ZNF408: variants seen among roughly 807,000 people sequenced by gnomAD.
ZNF408 encodes the protein PR domain zinc finger protein 17.
A neutral mutation model predicts 27.6 loss-of-function variants in ZNF408; 24 were observed. That is an observed-to-expected ratio of 0.87 (90% CI 0.63 to 1.22). The LOEUF (loss-of-function observed/expected upper bound fraction) is 1.22. Ranked by LOEUF, ZNF408 falls within the 50% of genes most tolerant of loss-of-function variation. The probability of loss-of-function intolerance (pLI) is 0.00; values close to 1 mark genes in which losing one functional copy is unlikely to be tolerated. For synonymous variants in ZNF408, 410 were observed against 396.1 expected (o/e 1.04, Z -0.42); for missense variants, 897 against 949.0 (o/e 0.95, Z 0.72).
At position 46,701,394 on chromosome 11, in the gene ZNF408, T is replaced by C; in HGVS notation, c.53-5T>C. 1 of 1,612,684 alleles carries C rather than the reference T, an allele frequency of 6.2e-7. No homozygotes were observed. The highest frequency in any genetic ancestry group is 8.5e-7 in the Non-Finnish European group (1 of 1,179,086). On this transcript the variant is annotated splice_polypyrimidine_tract_variant and splice_region_variant and intron_variant, in intron 1 of 4. Transcript: ENST00000311764. ...CTCCCTCACTGTCTTCCCTTCTCTC[T>C]GCAGCCCGCGAGCCGCGCCTGGGCC...
Position 46,701,587 on chromosome 11 carries a change from C to T in ZNF408, c.241C>T (p.Pro81Ser). Residue 81 changes from proline to serine, a missense_variant, in exon 2 of 5, where the codon CCC becomes TCC. Transcript: ENST00000311764. ...CTTGGGGGTCTGGTGTGTCGGGGACCCCCTGCAGCCCGGCCTGCTGTGGGG... is the reference window on the plus strand; with the variant it reads ...CTTGGGGGTCTGGTGTGTCGGGGACTCCCTGCAGCCCGGCCTGCTGTGGGG... The part of the protein sequence containing the change: ...QRLGVWCVGD[P>S]LQPGLLWGPL... 4 of 1,612,092 alleles carry T rather than the reference C, an allele frequency of 2.5e-6. No individual in the cohort carries two copies. Among genetic ancestry groups the T allele is most frequent in the Non-Finnish European group, 3.4e-6 (4 of 1,179,118 alleles).
At position 46,705,035 on chromosome 11, in the gene ZNF408, C is replaced by G. The variant is rs762021380; in HGVS notation, c.1335C>G (p.Ala445=). 22 of 1,613,212 alleles carry G rather than the reference C, an allele frequency of 1.4e-5. No individual in the cohort carries two copies. Among genetic ancestry groups the G allele is most frequent in the Non-Finnish European group, 1.9e-5 (22 of 1,180,022 alleles). ...TTGCTTGTGACCAGTGTGGCAAGGCCTTTGCCCGCCGGCCCTCCCTGCGGC... is the reference window on the plus strand; with the variant it reads ...TTGCTTGTGACCAGTGTGGCAAGGCGTTTGCCCGCCGGCCCTCCCTGCGGC... ...RPFACDQCGK[A]FARRPSLRLH... Residue 445 remains alanine, a synonymous_variant, in exon 5 of 5, where the codon GCC becomes GCG. Coordinates refer to ENST00000311764, the MANE Select transcript of ZNF408 (RefSeq NM_024741.3). This position sits in a 1 kb window ranked among gnomAD's most constrained non-coding sequence, Gnocchi z 6.5.
Position 46,701,516 on chromosome 11 carries a change from TTC to T in ZNF408, c.171_172del (p.Arg59GlyfsTer65). Reference sequence around the variant, plus strand: ...CGAGACATCCTCGCTTTAAAGAGCCTTCCCCGGGGCTTGGCCCTTGGCCCCTC... The same window carrying T: ...CGAGACATCCTCGCTTTAAAGAGCCTCCCGGGGCTTGGCCCTTGGCCCCTC... On this transcript the variant is annotated frameshift_variant, in exon 2 of 5. Transcript: ENST00000311764. LOFTEE classifies it high-confidence loss of function. 1 of 1,613,946 alleles carries T rather than the reference TTC, an allele frequency of 6.2e-7. No homozygotes were observed. The highest frequency in any genetic ancestry group is 8.5e-7 in the Non-Finnish European group (1 of 1,180,022).
At position 46,704,848 on chromosome 11, in the gene ZNF408, G is replaced by A. The variant is rs2134510056; in HGVS notation, c.1148G>A (p.Cys383Tyr). 1 of 1,602,056 alleles carries A rather than the reference G, an allele frequency of 6.2e-7. No individual in the cohort carries two copies. The highest frequency in any genetic ancestry group is 8.5e-7 in the Non-Finnish European group (1 of 1,173,890). Residue 383 changes from cysteine (C) to tyrosine (Y), a missense_variant, in exon 5 of 5, where the codon TGC becomes TAC. Transcript: ENST00000311764. ...FVHTGHKPFL[C>Y]TECGKSYSSE... ...CACACGGGCCACAAGCCCTTTCTTT[G>A]CACTGAGTGTGGCAAGAGCTATAGC...
chr11:46,703,410 G>A (rs2064725193), intron 4 of ZNF408, among the ~76,000 whole-genome samples, 167 bp downstream of exon 4: 1 of 152,158 alleles, frequency 6.6e-6, no homozygotes, highest in African/African-American at 2.4e-5. Flanking sequence ...GGGATAGGAG[G>A]GTGGGGCTTG....
chr11:46,701,441 C>T lies in ZNF408; in HGVS notation c.95C>T (p.Ser32Phe). The T allele has an allele frequency of 1.2e-6, 2 of 1,614,024 alleles. No individual in the cohort carries two copies. Among genetic ancestry groups the T allele is most frequent in the Non-Finnish European group, 1.7e-6 (2 of 1,180,014 alleles). The change falls in exon 2 of 5, where the codon TCC becomes TTC. Residue 32 changes from serine to phenylalanine, a missense_variant. Ser to Phe is a radical substitution (Grantham distance 155). Transcript: ENST00000311764. ...RLGLDLGWNP[S>F]GEGCTQGLKD... ...GGCCTGGACTTAGGATGGAACCCTT[C>T]CGGAGAAGGCTGTACGCAGGGCCTC...
At position 46,703,758 on chromosome 11, in the gene ZNF408, G is replaced by GTTTTTTTTTTTTTTTTTTTTTT. The variant is rs371644247; in HGVS notation, c.652+517_652+518insTTTTTTTTTTTTTTTTTTTTTT. Among the ~76,000 whole-genome samples, 4 of 94,174 alleles carry GTTTTTTTTTTTTTTTTTTTTTT rather than the reference G, an allele frequency of 4.2e-5. 2 individuals are homozygous for GTTTTTTTTTTTTTTTTTTTTTT. The highest frequency in any genetic ancestry group is 1.9e-4 in the African/African-American group (4 of 21,332). The allele number at this position is 94,174 out of a possible 152,430, so 61.8% of individuals were successfully genotyped here. A position where few individuals can be genotyped will look rare whatever the true frequency, so the allele number is the denominator to read the frequency against. On this transcript the variant is annotated intron_variant, in intron 4 of 4. Transcript: ENST00000311764. ...TTTGTTTTGTTTTGTTGTTGTTGTT[G>GTTTTTTTTTTTTTTTTTTTTTT]TTGTTGTTGTTGTTTTTTTTTTTTT...
In ZNF408 at chr11:46,701,607, G is replaced by C; in HGVS notation, c.261G>C (p.Leu87=). The change falls in exon 2 of 5, where the codon CTG becomes CTC. Residue 87 remains leucine, a synonymous_variant. Coordinates refer to ENST00000311764, the MANE Select transcript of ZNF408 (RefSeq NM_024741.3). The stretch of plus-strand genomic sequence containing the variant: ...GGGACCCCCTGCAGCCCGGCCTGCT[G>C]TGGGGGCCGCTGGAAGAGGAGTCTG... The part of the protein sequence containing the change: ...CVGDPLQPGL[L]WGPLEEESAS... 6.2e-7 allele frequency: 1 copy of C among 1,609,666 alleles called. No homozygotes were observed. Among genetic ancestry groups the C allele is most frequent in the Non-Finnish European group, 8.5e-7 (1 of 1,177,236 alleles).
intron 1 of ZNF408, 143 bp from the exon 2 acceptor site, chr11:46,701,256 C>T: frequency 6.4e-7 from 1 of 1,562,072 alleles, no homozygotes. Flanking sequence ...TGAGCCTCCT[C>T]AAAACTTTCA....
chr11:46,702,983 G>T lies in ZNF408; in HGVS notation c.393-1G>T. The T allele has an allele frequency of 6.2e-7, 1 of 1,613,898 alleles. No homozygotes were observed. Among genetic ancestry groups the T allele is most frequent in the African/African-American group, 1.3e-5 (1 of 75,070 alleles). ...TAGCTGGCTGTTACTTTGCTTTGCA[G>T]CTTGGTACAACGGGGCAGGCTGGAG... On this transcript the variant is annotated splice_acceptor_variant, in intron 3 of 4. Transcript: ENST00000311764. LOFTEE classifies it high-confidence loss of function.
At chr11:46,701,814 GTCTCC>G (rs1197696904) in intron 2 of ZNF408, 138 bp downstream of exon 2, 18 of 1,123,066 alleles carry the variant, frequency 1.6e-5, no homozygotes, top group East Asian at 7.9e-5. Flanking sequence ...CTTCAGGACT[GTCTCC>G]TCTCAGCAGC....
Position 46,705,154 on chromosome 11 carries a change from A to C in ZNF408, c.1454A>C (p.Asn485Thr). Residue 485 changes from asparagine to threonine, a missense_variant, in exon 5 of 5, where the codon AAC becomes ACC. Transcript: ENST00000311764. This position sits in a 1 kb window ranked among gnomAD's most constrained non-coding sequence, Gnocchi z 6.5. The part of the protein sequence containing the change: ...RPLANQGSLR[N>T]HMRLHTGEKP... ...CTGGCCAACCAGGGCTCCCTGCGGA[A>C]CCATATGAGGCTCCATACAGGAGAA... The C allele has an allele frequency of 6.2e-7, 1 of 1,611,436 alleles. No homozygotes were observed. The highest frequency in any genetic ancestry group is 8.5e-7 in the Non-Finnish European group (1 of 1,179,920).
rs776161956 is a variant in ZNF408, at chr11:46,705,204, G to C, written c.1504G>C (p.Gly502Arg). 1.2e-6 allele frequency: 2 copies of C among 1,611,754 alleles called. No individual in the cohort carries two copies. Among genetic ancestry groups the C allele is most frequent in the South Asian group, 2.2e-5 (2 of 91,076 alleles). The stretch of plus-strand genomic sequence containing the variant: ...AAAGCCTTTCCTGTGCCCGCACTGT[G>C]GCCGGGCGTTTCGTCAGCGGGGCAA... ...GEKPFLCPHC[G>R]RAFRQRGNLR... The change falls in exon 5 of 5, where the codon GGC becomes CGC. Residue 502 changes from glycine (G) to arginine (R), a missense_variant. Physicochemically the swap from Gly to Arg is moderately radical, Grantham distance 125. Transcript: ENST00000311764. The surrounding 1 kb of genome is among the most constrained non-coding windows in gnomAD (Gnocchi z 6.5).
In ZNF408 at chr11:46,701,668, C is replaced by A; in HGVS notation, c.322C>A (p.Gln108Lys). The A allele has an allele frequency of 1.3e-6, 2 of 1,577,978 alleles. No homozygotes were observed. The highest frequency in any genetic ancestry group is 1.7e-6 in the Non-Finnish European group (2 of 1,158,610). ...KEKGEGVKPR[Q>K]EENLSLGPWG... ...GAAGGGCGAGGGAGTAAAGCCACGGCAGGAGGAGGTATTGAAGGATAGAGC... is the reference window on the plus strand; with the variant it reads ...GAAGGGCGAGGGAGTAAAGCCACGGAAGGAGGAGGTATTGAAGGATAGAGC... The change falls in exon 2 of 5, where the codon CAG (glutamine) becomes AAG (lysine). Residue 108 changes from glutamine (Q) to lysine (K), a missense_variant. Gln to Lys is a moderately conservative substitution (Grantham distance 53). Transcript: ENST00000311764.
In ZNF408 at chr11:46,705,197, G is replaced by T. The variant is rs144957649; in HGVS notation, c.1497G>T (p.Pro499=). The change falls in exon 5 of 5, where the codon CCG becomes CCT. Residue 499 remains proline, a synonymous_variant. Transcript: ENST00000311764. This position sits in a 1 kb window ranked among gnomAD's most constrained non-coding sequence, Gnocchi z 6.5. ...CAGGAGAAAAGCCTTTCCTGTGCCC[G>T]CACTGTGGCCGGGCGTTTCGTCAGC... ...LHTGEKPFLC[P]HCGRAFRQRG... The T allele has an allele frequency of 9.3e-6, 15 of 1,611,540 alleles. No individual in the cohort carries two copies. The South Asian group carries it at 1.6e-4, about 18-fold the overall frequency.
chr11:46,702,618 C>A, intron 2 of ZNF408, 86 bp from the exon 3 acceptor site: 1 of 1,378,764 alleles, frequency 7.3e-7, no homozygotes, highest in South Asian at 1.2e-5. Context: ...TAAATTTGTC[C>A]CAGGAAAGTT....
chr11:46,703,940 C>T (rs1565694738), intron 4 of ZNF408, among the ~76,000 whole-genome samples: 2 of 151,740 alleles, frequency 1.3e-5, no homozygotes, highest in Non-Finnish European at 2.9e-5. Context: ...CCATGTCAGC[C>T]AGGCTGGTCT....
chr11:46,705,752 G>T lies in ZNF408; in HGVS notation c.2052G>T (p.Lys684Asn), dbSNP rs747674872. The T allele has an allele frequency of 6.2e-7, 1 of 1,611,436 alleles. No individual in the cohort carries two copies. The highest frequency in any genetic ancestry group is 1.7e-4 in the Middle Eastern group (1 of 6,058). The change falls in exon 5 of 5, where the codon AAG becomes AAT. Residue 684 changes from lysine (K) to asparagine (N), a missense_variant. Physicochemically the swap from Lys to Asn is moderately conservative, Grantham distance 94 (BLOSUM62 0). Coordinates refer to ENST00000311764, the MANE Select transcript of ZNF408 (RefSeq NM_024741.3). The surrounding 1 kb of genome is among the most constrained non-coding windows in gnomAD (Gnocchi z 6.5). ...VEVTISESQE[K>N]CFVVPEEPDA... Reference sequence around the variant, plus strand: ...TCACCATTTCAGAAAGCCAGGAGAAGTGCTTTGTGGTGCCAGAGGAGCCAG... The same window carrying T: ...TCACCATTTCAGAAAGCCAGGAGAATTGCTTTGTGGTGCCAGAGGAGCCAG...
At chr11:46,704,278 C>G (rs1565694828) in intron 4 of ZNF408, 75 bp from the exon 5 acceptor site, 2 of 1,477,052 alleles carry the variant, frequency 1.4e-6, no homozygotes, top group Non-Finnish European at 1.8e-6. Context: ...GAGAAAACAT[C>G]TGATCCTGTA....
Sources: allele counts gnomAD v4.1 joint callset (sites outside exome capture counted in the v4.1 genomes callset), GRCh38; gene constraint gnomAD v4.1.1; non-coding constraint Gnocchi (gnomAD v3.1); transcripts MANE v1.5; gene names NCBI Gene and HGNC (gene_info 2026-07-23, HGNC 2026-07-21).